The following OARD1 variants were observed in gnomAD, a reference collection of about 807,000 sequenced individuals.
OARD1 encodes O-acyl-ADP-ribose deacylase 1, also known as ADP-ribose glycohydrolase OARD1.
Under a neutral mutation model 19.7 loss-of-function variants are expected in OARD1, and 19 were observed. The observed-to-expected ratio is 0.96, with a 90% CI of 0.67 to 1.41. The LOEUF is 1.41. OARD1 is among the 40% of genes most tolerant of loss of function. The pLI, the probability that OARD1 is intolerant of heterozygous loss-of-function variation, is 0.00. For missense variants in OARD1, 190 were observed against 183.8 expected, an observed-to-expected ratio of 1.03 and a Z score of -0.20; for synonymous variants, 70 against 61.8, an observed-to-expected ratio of 1.13 and a Z score of -0.62.
At chr6:41,079,302 G>A (rs1338768103) in intron 1 of OARD1, 4 of 750,248 alleles carry the variant, frequency 5.3e-6, no homozygotes, top group Non-Finnish European at 8.9e-6. Flanking sequence ...GGCTTGTGCT[G>A]AAATGCCATG....
At chr6:41,068,089 A>T (rs527981276) in intron 5 of OARD1, among the ~76,000 whole-genome samples, 4 of 151,748 alleles carry the variant, frequency 2.6e-5, no homozygotes, top group Admixed American at 6.6e-5. Flanking sequence ...AATTGTGATT[A>T]AAAAAAAAGT....
chr6:41,079,049 T>C (rs1246722884), intron 1 of OARD1: 1 of 1,598,708 alleles, frequency 6.3e-7, no homozygotes, highest in Non-Finnish European at 8.6e-7. Flanking sequence ...CACAGCCTTC[T>C]AGGATCTCCA....
upstream of OARD1, among the ~76,000 whole-genome samples, chr6:41,073,239 G>T (rs571283013): frequency 4.8e-4 from 72 of 151,382 alleles, 1 homozygote; most frequent in East Asian, 0.014. Context: ...GCCCCGGCCC[G>T]GGGCCTGCGA....
chr6:41,083,350 A>G (rs974891303), intron 1 of OARD1, among the ~76,000 whole-genome samples: 2 of 152,222 alleles, frequency 1.3e-5, no homozygotes, highest in East Asian at 1.9e-4. Context: ...CCATGTGGAT[A>G]TTATAGAGGC....
At chr6:41,094,083 C>T (rs1764277926) in intron 1 of OARD1, among the ~76,000 whole-genome samples, 1 of 152,082 alleles carries the variant, frequency 6.6e-6, no homozygotes, top group South Asian at 2.1e-4. Context: ...CACTCATTTG[C>T]TCAAACGAAA....
chr6:41,091,747 C>T, intron 1 of OARD1: 1 of 1,586,522 alleles, frequency 6.3e-7, no homozygotes, highest in Non-Finnish European at 8.6e-7. Flanking sequence ...GAACATGCAA[C>T]TTGATGCCTC....
At chr6:41,069,776 G>A (rs1326831955) in intron 4 of OARD1, 3 of 393,512 alleles carry the variant, frequency 7.6e-6, no homozygotes, top group Non-Finnish European at 9.2e-6. Context: ...CTCTGCCTAG[G>A]AAATATAGTA....
At chr6:41,080,229 G>C (rs1251308783) in intron 1 of OARD1, among the ~76,000 whole-genome samples, 1 of 152,000 alleles carries the variant, frequency 6.6e-6, no homozygotes, top group Non-Finnish European at 1.5e-5. Flanking sequence ...CAGGAAGGTT[G>C]GCTTAAGCCC....
At position 41,068,970 on chromosome 6, in the gene OARD1, CA is replaced by C; in HGVS notation, c.244-18del. The C allele has an allele frequency of 7.1e-7, 1 of 1,406,806 alleles. No homozygotes were observed. The highest frequency in any genetic ancestry group is 9.9e-7 in the Non-Finnish European group (1 of 1,011,258). The allele number at this position is 1,406,806 out of a possible 1,614,324, so 87.1% of individuals were successfully genotyped here. The stretch of plus-strand genomic sequence containing the variant: ...CTTTGTAATCTGAACACAAAGGATT[CA>C]AACTTTCATCATCCCAAAATGATAG... On this transcript the variant is annotated intron_variant, in intron 4 of 5. Transcript: ENST00000424266.
upstream of OARD1, among the ~76,000 whole-genome samples, chr6:41,074,500 C>T (rs1763674996): frequency 6.6e-6 from 1 of 152,216 alleles, no homozygotes; most frequent in Non-Finnish European, 1.5e-5. Context: ...AAAGGCTTAT[C>T]ACCACCGCAC....
At chr6:41,077,705 C>T (rs907189055) in intron 1 of OARD1, among the ~76,000 whole-genome samples, 2 of 152,010 alleles carry the variant, frequency 1.3e-5, no homozygotes, top group African/African-American at 4.8e-5. Context: ...ATCAGAAAAC[C>T]GGTTTGTCAT....
intron 4 of OARD1, chr6:41,069,712 G>A (rs1763223210): frequency 7.2e-6 from 2 of 278,578 alleles, no homozygotes; most frequent in Admixed American, 1.0e-4. Flanking sequence ...CATGGAATAA[G>A]AGAAAAGCTC....
intron 1 of OARD1, among the ~76,000 whole-genome samples, chr6:41,083,483 G>GT (rs1763963276): frequency 6.6e-6 from 1 of 152,118 alleles, no homozygotes; most frequent in Non-Finnish European, 1.5e-5. Flanking sequence ...CAGGATAAAG[G>GT]TATACATTTG....
chr6:41,079,388 A>G (rs575039866), intron 1 of OARD1, among the ~76,000 whole-genome samples: 1 of 152,306 alleles, frequency 6.6e-6, no homozygotes, highest in Non-Finnish European at 1.5e-5. Context: ...ATCTCATTTT[A>G]AGTAAAAACA....
At chr6:41,077,866 G>A (rs1382769366) in intron 1 of OARD1, among the ~76,000 whole-genome samples, 2 of 152,168 alleles carry the variant, frequency 1.3e-5, no homozygotes, top group African/African-American at 4.8e-5. Context: ...GACATAGCCT[G>A]TTATTTATGG....
chr6:41,093,057 C>G, intron 1 of OARD1: 2 of 1,613,888 alleles, frequency 1.2e-6, no homozygotes, highest in Non-Finnish European at 1.7e-6. Context: ...AAACTAGAGG[C>G]AGAAGGGAAA....
upstream of OARD1, chr6:41,073,068 C>CG (rs1351079613): frequency 6.5e-6 from 1 of 153,820 alleles, no homozygotes; most frequent in Non-Finnish European, 1.5e-5. Flanking sequence ...GGCAGCGAAC[C>CG]GGGGGAGCGA....
chr6:41,091,760 A>G, intron 1 of OARD1: 1 of 1,559,576 alleles, frequency 6.4e-7, no homozygotes, highest in Non-Finnish European at 8.7e-7. Flanking sequence ...GATGCCTCCT[A>G]AAATTTATTA....
intron 1 of OARD1, chr6:41,084,072 G>T: frequency 6.2e-7 from 1 of 1,613,434 alleles, no homozygotes; most frequent in Non-Finnish European, 8.5e-7. Flanking sequence ...TAATGGTGCA[G>T]GTCAGTGGAG....
Sources: gnomAD v4.1 joint callset for allele counts (sites outside exome capture counted in the v4.1 genomes callset) on GRCh38, gnomAD v4.1.1 for gene constraint, MANE v1.5 for transcripts, NCBI Gene and HGNC (gene_info 2026-07-23, HGNC 2026-07-21) for gene names.